Variants in CTNNBL1 observed in about 807,000 individuals in gnomAD.
The protein encoded by CTNNBL1 is catenin beta like 1, also known as beta-catenin-like protein 1.
Under a neutral mutation model 72.7 loss-of-function variants are expected in CTNNBL1, and 31 were observed. The ratio of observed to expected loss-of-function variants is 0.43; its 90% CI spans 0.32 to 0.58. The LOEUF (loss-of-function observed/expected upper bound fraction) is 0.58, where lower values mean the gene tolerates loss of function less well. CTNNBL1 is among the 20% of genes least tolerant of loss of function. The probability of loss-of-function intolerance (pLI) is 0.08; values close to 1 mark genes in which losing one functional copy is unlikely to be tolerated. For missense variants in CTNNBL1, 534 were observed against 725.1 expected (o/e 0.74, Z 3.03); for synonymous variants, 240 against 267.3 (o/e 0.90, Z 1.00).
At chr20:37,722,502 AAAT>A (rs1568751450) in intron 1 of CTNNBL1, among the ~76,000 whole-genome samples, 1 of 151,226 alleles carries the variant, frequency 6.6e-6, no homozygotes, top group African/African-American at 2.4e-5. Context: ...ATAAATAAAT[AAAT>A]AAATAAATAA....
chr20:37,784,772 G>A (rs955210902), intron 10 of CTNNBL1, among the ~76,000 whole-genome samples: 4 of 152,172 alleles, frequency 2.6e-5, no homozygotes, highest in Non-Finnish European at 4.4e-5. Flanking sequence ...TAGTTTATAC[G>A]CCACAATTAC....
At chr20:37,716,831 A>G (rs188644929) in intron 1 of CTNNBL1, among the ~76,000 whole-genome samples, 6 of 152,360 alleles carry the variant, frequency 3.9e-5, no homozygotes, top group South Asian at 2.1e-4. Context: ...TACTCAAGGG[A>G]AAGTTCCACG....
chr20:37,708,625 C>G (rs540122750), intron 1 of CTNNBL1, among the ~76,000 whole-genome samples: 1 of 152,132 alleles, frequency 6.6e-6, no homozygotes, highest in African/African-American at 2.4e-5. Flanking sequence ...ATGTTTTAGC[C>G]TAAACTTTAG....
At chr20:37,844,874 A>T (rs2235469) in intron 13 of CTNNBL1, among the ~76,000 whole-genome samples, 55,250 of 152,058 alleles carry the variant, frequency 0.36, 10,346 homozygotes, top group Middle Eastern at 0.43. Context: ...CTTGAGCCTG[A>T]GAGGTAAGGG....
intron 10 of CTNNBL1, among the ~76,000 whole-genome samples, chr20:37,781,448 T>C (rs1180747966): frequency 6.6e-6 from 1 of 152,084 alleles, no homozygotes. Context: ...AATGCTGAGA[T>C]TCAGGGAGGC....
intron 6 of CTNNBL1, among the ~76,000 whole-genome samples, chr20:37,766,088 A>G (rs552113022): frequency 1.3e-5 from 2 of 152,036 alleles, no homozygotes; most frequent in African/African-American, 4.8e-5. Flanking sequence ...ACAGATTTCT[A>G]TTGTAGTTCT....
At chr20:37,793,216 G>A (rs2073741286) in intron 10 of CTNNBL1, among the ~76,000 whole-genome samples, 1 of 152,164 alleles carries the variant, frequency 6.6e-6, no homozygotes, top group Admixed American at 6.5e-5. Flanking sequence ...ATTATTGAGA[G>A]AAGAATATTG....
At chr20:37,833,232 G>A (rs866593062) in intron 11 of CTNNBL1, among the ~76,000 whole-genome samples, 82 of 152,190 alleles carry the variant, frequency 5.4e-4, no homozygotes, top group African/African-American at 1.5e-3. Flanking sequence ...TATAAAACTC[G>A]AACTGCCCCC....
At chr20:37,839,925 A>G (rs940333358) in intron 11 of CTNNBL1, among the ~76,000 whole-genome samples, 177 bp from the exon 12 acceptor site, 86 of 152,168 alleles carry the variant, frequency 5.7e-4, no homozygotes, top group African/African-American at 1.9e-3. Context: ...TTTTTGTGCA[A>G]TGTGAAGATT....
At chr20:37,744,726 C>G (rs1022874746) in intron 3 of CTNNBL1, 11 of 152,108 alleles carry the variant, frequency 7.2e-5, no homozygotes, top group Middle Eastern at 3.4e-3. Context: ...ATTGGCTTCT[C>G]CTATTGTAGT....
intron 1 of CTNNBL1, among the ~76,000 whole-genome samples, chr20:37,714,906 G>T (rs548210319): frequency 5.3e-4 from 80 of 152,212 alleles, no homozygotes; most frequent in Non-Finnish European, 1.1e-3. Flanking sequence ...TGAAATGGTG[G>T]TTATTTGTCC....
chr20:37,819,187 T>A (rs749103151), intron 11 of CTNNBL1, among the ~76,000 whole-genome samples: 1 of 152,334 alleles, frequency 6.6e-6, no homozygotes, highest in South Asian at 2.1e-4. Context: ...ATGTTGAAAC[T>A]TCCCCCGTAA....
intron 14 of CTNNBL1, 114 bp downstream of exon 14, chr20:37,860,150 TTACTC>T: frequency 2.7e-6 from 4 of 1,488,508 alleles, no homozygotes; most frequent in East Asian, 2.3e-5. Flanking sequence ...TTGAATTCCT[TTACTC>T]TACATCAGCC....
At chr20:37,804,157 T>C (rs2071931386) in intron 11 of CTNNBL1, among the ~76,000 whole-genome samples, 1 of 152,128 alleles carries the variant, frequency 6.6e-6, no homozygotes, top group Non-Finnish European at 1.5e-5. Flanking sequence ...TGAGAACAAG[T>C]AGAGACTTCA....
intron 3 of CTNNBL1, among the ~76,000 whole-genome samples, chr20:37,745,132 A>C (rs998780433): frequency 6.6e-6 from 1 of 152,240 alleles, no homozygotes; most frequent in African/African-American, 2.4e-5. Flanking sequence ...GCATATACTT[A>C]AAAATATTAA....
chr20:37,806,972 T>C (rs1326997137), intron 11 of CTNNBL1, among the ~76,000 whole-genome samples: 2 of 152,152 alleles, frequency 1.3e-5, no homozygotes, highest in Non-Finnish European at 2.9e-5. Context: ...GTCCATCTTA[T>C]TTGATAAAGG....
chr20:37,697,580 G>A (rs933255333), intron 1 of CTNNBL1, among the ~76,000 whole-genome samples: 5 of 152,186 alleles, frequency 3.3e-5, no homozygotes, highest in African/African-American at 9.6e-5. Flanking sequence ...TGTGGGCCAC[G>A]ATAAAGACCT....
chr20:37,819,725 A>C (rs2072088833), intron 11 of CTNNBL1, among the ~76,000 whole-genome samples: 1 of 152,322 alleles, frequency 6.6e-6, no homozygotes. Context: ...CAGCCTGAGC[A>C]GACACTTCTA....
At chr20:37,694,224 C>T in intron 1 of CTNNBL1, 72 bp downstream of exon 1, 1 of 1,351,682 alleles carries the variant, frequency 7.4e-7, no homozygotes, top group South Asian at 1.4e-5. Flanking sequence ...AGAGCCCTTT[C>T]ATCTCACCTC....
Sources: allele counts gnomAD v4.1 joint callset (sites outside exome capture counted in the v4.1 genomes callset), GRCh38; gene constraint gnomAD v4.1.1; transcripts MANE v1.5; gene names NCBI Gene and HGNC (gene_info 2026-07-23, HGNC 2026-07-21).